CADM2: variants seen among roughly 807,000 people sequenced by gnomAD.
CADM2 encodes the protein cell adhesion molecule 2.
CADM2 carries 12 observed loss-of-function variants against 49.8 expected under a neutral mutation model. The ratio of observed to expected loss-of-function variants is 0.24; its 90% CI spans 0.15 to 0.39. CADM2 has a LOEUF of 0.39. Ranked by LOEUF, CADM2 falls within the 10% of genes least tolerant of loss-of-function variation. CADM2 has a pLI of 1.00. For synonymous variants in CADM2, 214 were observed against 175.4 expected, an observed-to-expected ratio of 1.22 and a Z score of -1.74; for missense variants, 378 against 492.3, an observed-to-expected ratio of 0.77 and a Z score of 2.20.
intron 1 of CADM2, among the ~76,000 whole-genome samples, chr3:85,370,249 A>G (rs2033120493): frequency 6.8e-6 from 1 of 146,956 alleles, no homozygotes; most frequent in Non-Finnish European, 1.5e-5. Flanking sequence ...TAATAATAAT[A>G]ATAATAATAA....
chr3:85,131,646 G>A lies in CADM2; in HGVS notation c.61+171978G>A, dbSNP rs568353126. ...ACCATTAATATTCTCCATTTTTAAG[G>A]TAATATAACTTACCTAACCATATCA... On this transcript the variant is annotated intron_variant, in intron 1 of 9. Coordinates refer to ENST00000383699, the MANE Select transcript of CADM2 (RefSeq NM_001167675.2). 2.0e-5 allele frequency among the ~76,000 whole-genome samples: 3 copies of A among 152,146 alleles called. No homozygotes were observed. In the South Asian group the frequency reaches 6.2e-4, roughly 32 times the overall value.
chr3:84,987,790 T>C (rs1242867965), intron 1 of CADM2, among the ~76,000 whole-genome samples: 1 of 152,196 alleles, frequency 6.6e-6, no homozygotes, highest in Non-Finnish European at 1.5e-5. Flanking sequence ...CTAGCCCAGC[T>C]GTCTCCCCGA....
chr3:85,409,734 G>A (rs960925665), intron 1 of CADM2, among the ~76,000 whole-genome samples: 1 of 152,026 alleles, frequency 6.6e-6, no homozygotes, highest in Non-Finnish European at 1.5e-5. Flanking sequence ...TTTAATGAAG[G>A]CACTAAAATT....
intron 6 of CADM2, among the ~76,000 whole-genome samples, chr3:85,928,222 G>C (rs1308459056): frequency 6.8e-6 from 1 of 147,938 alleles, no homozygotes; most frequent in Non-Finnish European, 1.5e-5. Flanking sequence ...GCAATGGCAC[G>C]ATCTCGGCTC....
At chr3:85,429,507 T>C (rs559972943) in intron 1 of CADM2, among the ~76,000 whole-genome samples, 1 of 152,276 alleles carries the variant, frequency 6.6e-6, no homozygotes, top group East Asian at 1.9e-4. Flanking sequence ...ATAAGCCATG[T>C]TAACTTTTTT....
intron 1 of CADM2, among the ~76,000 whole-genome samples, chr3:85,301,031 A>C (rs974942347): frequency 6.6e-6 from 1 of 152,118 alleles, no homozygotes; most frequent in Admixed American, 6.6e-5. Flanking sequence ...TCACAGGGTG[A>C]GAAATTGTGG....
intron 3 of CADM2, among the ~76,000 whole-genome samples, chr3:85,870,024 C>A (rs531200550): frequency 1.3e-5 from 2 of 152,288 alleles, no homozygotes; most frequent in Non-Finnish European, 2.9e-5. Flanking sequence ...CACTGCCAAT[C>A]CCAATGTGTA....
chr3:85,755,831 T>A lies in CADM2; in HGVS notation c.88+29283T>A, dbSNP rs1472143654. Among the ~76,000 whole-genome samples the A allele has an allele frequency of 5.3e-5, 8 of 152,148 alleles. No individual in the cohort carries two copies. The East Asian group carries it at 1.5e-3, about 29-fold the overall frequency. On this transcript the variant is annotated intron_variant, in intron 2 of 9. Transcript: ENST00000383699. ...AGGTCCCTCCTCCAACACCAGGGATTATAATTTCACATGAGATTTGGGTGG... is the reference window on the plus strand; with the variant it reads ...AGGTCCCTCCTCCAACACCAGGGATAATAATTTCACATGAGATTTGGGTGG...
intron 1 of CADM2, among the ~76,000 whole-genome samples, chr3:85,079,136 ATAAT>A (rs530519032): frequency 1.6e-4 from 24 of 151,982 alleles, no homozygotes; most frequent in African/African-American, 5.8e-4. Flanking sequence ...ATTCTAAGTG[ATAAT>A]TAATCTTTTT....
At chr3:86,014,165 A>C (rs1731908735) in intron 8 of CADM2, 2 of 1,291,566 alleles carry the variant, frequency 1.5e-6, no homozygotes, top group East Asian at 4.7e-5. Context: ...TCCTGCAAGC[A>C]CTTGTTTTAG....
At chr3:85,777,021 T>G (rs1341443293) in intron 2 of CADM2, among the ~76,000 whole-genome samples, 1 of 152,080 alleles carries the variant, frequency 6.6e-6, no homozygotes, top group Non-Finnish European at 1.5e-5. Context: ...TATACATTAT[T>G]TATTCATGTT....
In CADM2 at chr3:85,337,745, T is replaced by A. The variant is rs2045128474; in HGVS notation, c.61+378077T>A. 2.0e-5 allele frequency among the ~76,000 whole-genome samples: 3 copies of A among 151,470 alleles called. No individual in the cohort carries two copies. The South Asian group carries it at 6.2e-4, about 31-fold the overall frequency. ...AACACCCCAAAACTAAGCCTGGATT[T>A]TGGGTATGCAGACCGGCATGCTAAA... is the stretch of plus-strand genomic sequence containing the variant. On this transcript the variant is annotated intron_variant, in intron 1 of 9. Transcript: ENST00000383699.
chr3:85,412,272 AG>A (rs1427239457), intron 1 of CADM2, among the ~76,000 whole-genome samples: 5 of 152,220 alleles, frequency 3.3e-5, no homozygotes, highest in African/African-American at 7.2e-5. Flanking sequence ...TACTGTAAAA[AG>A]TATAGGAGAT....
rs749611147 is a variant in CADM2 at position 85,446,211 on chromosome 3, GTGAA to G, written c.62-280302_62-280299del. 5.9e-5 allele frequency among the ~76,000 whole-genome samples: 9 copies of G among 152,148 alleles called. No homozygotes were observed. The East Asian group carries it at 9.6e-4, about 16-fold the overall frequency. ...TCTAAACACAGAAGAGATTCAGTGA[GTGAA>G]TGAATGAAAAATGAACTGTATTACT... On this transcript the variant is annotated intron_variant, in intron 1 of 9. Coordinates refer to ENST00000383699, the MANE Select transcript of CADM2 (RefSeq NM_001167675.2).
chr3:85,258,131 G>A (rs2042931744), intron 1 of CADM2, among the ~76,000 whole-genome samples: 1 of 152,084 alleles, frequency 6.6e-6, no homozygotes, highest in African/African-American at 2.4e-5. Flanking sequence ...GTGTGAGGCA[G>A]CTCAGCCTAC....
At chr3:85,956,008 T>C (rs1023659472) in intron 7 of CADM2, among the ~76,000 whole-genome samples, 1 of 151,710 alleles carries the variant, frequency 6.6e-6, no homozygotes, top group Non-Finnish European at 1.5e-5. Context: ...ATAGAATTGA[T>C]AGAAACAAAA....
intron 5 of CADM2, among the ~76,000 whole-genome samples, chr3:85,897,892 T>C (rs1205636693): frequency 1.3e-5 from 2 of 152,204 alleles, no homozygotes; most frequent in Non-Finnish European, 2.9e-5. Context: ...GCATCATGTA[T>C]AAGAATGAAT....
chr3:85,570,761 A>C (rs1020109539), intron 1 of CADM2, among the ~76,000 whole-genome samples: 5 of 152,198 alleles, frequency 3.3e-5, no homozygotes, highest in African/African-American at 1.2e-4. Flanking sequence ...ATCTATTGCC[A>C]CAAATCTGAA....
chr3:84,974,858 T>G (rs2031711267), intron 1 of CADM2, among the ~76,000 whole-genome samples: 1 of 151,952 alleles, frequency 6.6e-6, no homozygotes, highest in African/African-American at 2.4e-5. Flanking sequence ...TAAAACCTCA[T>G]AGTTGGCTTT....
Sources: allele counts gnomAD v4.1 joint callset (sites outside exome capture counted in the v4.1 genomes callset), GRCh38; gene constraint gnomAD v4.1.1; transcripts MANE v1.5; gene names NCBI Gene and HGNC (gene_info 2026-07-23, HGNC 2026-07-21).